TMPRSS7: variants seen among roughly 807,000 people sequenced by gnomAD.
TMPRSS7 encodes the protein transmembrane protease serine 7.
In TMPRSS7, 81 loss-of-function variants were observed where a neutral mutation model predicts 95.6. The observed-to-expected ratio is 0.85, with a 90% CI of 0.71 to 1.02. TMPRSS7 has a LOEUF of 1.02. TMPRSS7 is among the 50% of genes least tolerant of loss of function. The pLI, the probability that TMPRSS7 is intolerant of heterozygous loss-of-function variation, is 0.00. For missense variants in TMPRSS7, 945 were observed against 955.2 expected, an observed-to-expected ratio of 0.99 and a Z score of 0.14; for synonymous variants, 364 against 337.8, an observed-to-expected ratio of 1.08 and a Z score of -0.85.
At chr3:112,034,837 C>G, upstream of TMPRSS7, 1 of 702,798 alleles carries the variant, frequency 1.4e-6, no homozygotes, top group Non-Finnish European at 2.6e-6. Flanking sequence ...ACACACAAAA[C>G]GCCTAATAAT....
At chr3:112,047,650 G>A in intron 6 of TMPRSS7, 89 bp from the exon 7 acceptor site, 1 of 1,008,406 alleles carries the variant, frequency 9.9e-7, no homozygotes, top group Middle Eastern at 2.2e-4. Context: ...GACCTCTTTT[G>A]CCCTTTACTT....
chr3:112,053,259 G>C (rs1201903811), intron 9 of TMPRSS7, among the ~76,000 whole-genome samples: 2 of 151,612 alleles, frequency 1.3e-5, no homozygotes, highest in Admixed American at 1.3e-4. Context: ...ACAAAAGTTA[G>C]TTTATATTCT....
chr3:112,059,061 T>A (rs952817777), intron 10 of TMPRSS7, among the ~76,000 whole-genome samples: 2 of 152,162 alleles, frequency 1.3e-5, no homozygotes, highest in African/African-American at 2.4e-5. Flanking sequence ...GAAAAAGTAA[T>A]CCTGACTGGA....
At chr3:112,043,978 G>T (rs1445844905) in intron 3 of TMPRSS7, among the ~76,000 whole-genome samples, 4 of 152,232 alleles carry the variant, frequency 2.6e-5, no homozygotes, top group Non-Finnish European at 5.9e-5. Flanking sequence ...TTGCAGTGGG[G>T]AGAATACAGA....
Position 112,063,581 on chromosome 3 carries a change from C to A in TMPRSS7, c.1504C>A (p.Arg502Ser), listed in dbSNP as rs775082233. ...CGGTTTATGTGTCCCTCAGGCCCAG[C>A]GTTGTGATGGAGTAAATGACTGCTT... The change falls in exon 12 of 18, where the codon CGT becomes AGT. Residue 502 changes from arginine (R) to serine (S), a missense_variant. Arg to Ser is a moderately radical substitution (Grantham distance 110, BLOSUM62 -1). Coordinates refer to ENST00000452346, the Ensembl canonical transcript of TMPRSS7. 3.7e-6 allele frequency: 6 copies of A among 1,614,006 alleles called. No individual in the cohort carries two copies. The South Asian group carries it at 5.5e-5, about 15-fold the overall frequency.
Position 112,059,011 on chromosome 3 carries a change from C to G in TMPRSS7, c.1310+1880C>G, listed in dbSNP as rs1199608017. 2.0e-5 allele frequency among the ~76,000 whole-genome samples: 3 copies of G among 152,154 alleles called. No homozygotes were observed. In the East Asian group the frequency reaches 5.8e-4, roughly 29 times the overall value. ...TGTGCTAACTAGACACCTTGCTGAGCAGTTAGCCTAAGGAAATTGAGGCTA... is the reference window on the plus strand; with the variant it reads ...TGTGCTAACTAGACACCTTGCTGAGGAGTTAGCCTAAGGAAATTGAGGCTA... On this transcript the variant is annotated intron_variant, in intron 10 of 17. Coordinates refer to ENST00000452346, the Ensembl canonical transcript of TMPRSS7.
chr3:112,055,514 T>A (rs16859115), intron 9 of TMPRSS7, among the ~76,000 whole-genome samples: 1 of 151,524 alleles, frequency 6.6e-6, no homozygotes, highest in Non-Finnish European at 1.5e-5. Context: ...ATAACTAAAA[T>A]GTCTTTCAGA....
intron 2 of TMPRSS7, 40 bp downstream of exon 2, chr3:112,038,361 T>C: frequency 2.9e-6 from 2 of 690,766 alleles, no homozygotes; most frequent in Non-Finnish European, 5.3e-6. Flanking sequence ...TTAGGGCTTA[T>C]GGTATGAGTC....
At chr3:112,043,604 A>C (rs7625219) in intron 3 of TMPRSS7, among the ~76,000 whole-genome samples, 136,948 of 152,232 alleles carry the variant, frequency 0.9, 62,421 homozygotes, top group East Asian at 1. Context: ...CAATTATGTA[A>C]GTGGTTTTCA....
chr3:112,069,087 G>T lies in TMPRSS7; in HGVS notation c.1666+2585G>T, dbSNP rs1165586107. On this transcript the variant is annotated intron_variant, in intron 13 of 17. Transcript: ENST00000452346. ...CTGCATCTGTTGAGATAATCACGTGGTTTTTGTCATTGGTTCTGTTTACAT... is the reference window on the plus strand; with the variant it reads ...CTGCATCTGTTGAGATAATCACGTGTTTTTTGTCATTGGTTCTGTTTACAT... Among the ~76,000 whole-genome samples the T allele has an allele frequency of 3.3e-5, 5 of 152,158 alleles. No individual in the cohort carries two copies. In the East Asian group the frequency reaches 9.6e-4, roughly 29 times the overall value.
chr3:112,056,951 A>C, intron 9 of TMPRSS7, 74 bp from the exon 10 acceptor site: 1 of 1,096,576 alleles, frequency 9.1e-7, no homozygotes, highest in Non-Finnish European at 1.3e-6. Context: ...GCCTTAAAAC[A>C]ACAAGCCAAG....
At chr3:112,045,176 C>T (rs553996832) in intron 4 of TMPRSS7, among the ~76,000 whole-genome samples, 96 of 152,280 alleles carry the variant, frequency 6.3e-4, no homozygotes, top group African/African-American at 2.2e-3. Flanking sequence ...GAGACAGAGT[C>T]TCGCTCTGTC....
At chr3:112,048,127 A>C (rs2073302476) in intron 7 of TMPRSS7, among the ~76,000 whole-genome samples, 160 bp downstream of exon 7, 1 of 152,142 alleles carries the variant, frequency 6.6e-6, no homozygotes, top group Non-Finnish European at 1.5e-5. Flanking sequence ...CCTATACTTT[A>C]GTACCCTCGC....
rs373214601 is a variant in TMPRSS7 at position 112,049,822 on chromosome 3, T to C, written c.960-22T>C. On this transcript the variant is annotated intron_variant, in intron 7 of 17. Transcript: ENST00000452346. ...CAAATAACGTATTATTCATGTACTT[T>C]TGTTTTATTATCTGCTTTCAGAATT... 200 of 1,504,648 alleles carry C rather than the reference T, an allele frequency of 1.3e-4. No individual in the cohort carries two copies. The African/African-American group carries it at 2.3e-3, about 18-fold the overall frequency. 93.2% of individuals were successfully genotyped at this position (1,504,648 alleles called of 1,614,324 possible).
Position 112,077,529 on chromosome 3 carries a change from T to A in TMPRSS7, c.2224+385T>A, listed in dbSNP as rs79995964. Reference sequence around the variant, plus strand: ...AAGGACACACATGCACATCCCACTATGTCAACTCATAGGCAACAGTCTGGG... The same window carrying A: ...AAGGACACACATGCACATCCCACTAAGTCAACTCATAGGCAACAGTCTGGG... On this transcript the variant is annotated intron_variant, in intron 16 of 17. Coordinates refer to ENST00000452346, the Ensembl canonical transcript of TMPRSS7. Among the ~76,000 whole-genome samples, 675 of 152,312 alleles carry A rather than the reference T, an allele frequency of 4.4e-3. 23 individuals carry two copies. In the East Asian group the frequency reaches 0.065, roughly 15 times the overall value.
exon 7 of TMPRSS7, chr3:112,047,804 G>T: frequency 6.2e-7 from 1 of 1,614,140 alleles, no homozygotes; most frequent in Non-Finnish European, 8.5e-7. Flanking sequence ...GGAGATTTCT[G>T]CAGCCTCAGG....
At chr3:112,042,439 AT>A (rs1432948012) in intron 3 of TMPRSS7, among the ~76,000 whole-genome samples, 1 of 152,236 alleles carries the variant, frequency 6.6e-6, no homozygotes, top group African/African-American at 2.4e-5. Context: ...TTGTAAAAAA[AT>A]AACTTTCTCA....
chr3:112,048,509 C>T (rs1013855768), intron 7 of TMPRSS7, among the ~76,000 whole-genome samples: 4 of 152,138 alleles, frequency 2.6e-5, no homozygotes, highest in Admixed American at 6.5e-5. Flanking sequence ...TATACATACC[C>T]TAGTATTTTT....
chr3:112,037,382 G>A (rs1005904059), intron 1 of TMPRSS7, among the ~76,000 whole-genome samples: 1 of 152,156 alleles, frequency 6.6e-6, no homozygotes, highest in African/African-American at 2.4e-5. Flanking sequence ...AGCACCCCCA[G>A]GCTTGCTAGG....
Sources: gnomAD v4.1 joint callset for allele counts (sites outside exome capture counted in the v4.1 genomes callset) on GRCh38, gnomAD v4.1.1 for gene constraint, MANE v1.5 for transcripts, NCBI Gene and HGNC (gene_info 2026-07-23, HGNC 2026-07-21) for gene names.